The following OPCML variants were observed in gnomAD, a reference collection of about 807,000 sequenced individuals.
OPCML encodes opioid binding protein/cell adhesion molecule like.
Under a neutral mutation model 37.8 loss-of-function variants are expected in OPCML, and 13 were observed. That is an observed-to-expected ratio of 0.34 (90% confidence interval 0.22 to 0.55). The LOEUF (loss-of-function observed/expected upper bound fraction) is 0.55, where lower values mean the gene tolerates loss of function less well. OPCML is among the 20% of genes least tolerant of loss of function. The pLI is 0.91. For missense variants in OPCML, 341 were observed against 435.6 expected (o/e 0.78, Z 1.93); for synonymous variants, 176 against 168.8 (o/e 1.04, Z -0.33).
chr11:132,650,997 A>G (rs562646406), intron 3 of OPCML, among the ~76,000 whole-genome samples: 1 of 152,336 alleles, frequency 6.6e-6, no homozygotes, highest in African/African-American at 2.4e-5. Flanking sequence ...AGTTGAAAAT[A>G]GGGAAATCCC....
chr11:133,489,850 ATATTTT>A (rs967588538), intron 1 of OPCML, among the ~76,000 whole-genome samples: 3 of 143,834 alleles, frequency 2.1e-5, no homozygotes, highest in African/African-American at 5.4e-5. Flanking sequence ...ATATATATAT[ATATTTT>A]TTTATACATG....
intron 1 of OPCML, among the ~76,000 whole-genome samples, chr11:133,284,665 T>C (rs1462022490): frequency 6.6e-6 from 1 of 152,100 alleles, no homozygotes; most frequent in African/African-American, 2.4e-5. Context: ...AAAATAGAAG[T>C]GTGAATGAGC....
intron 1 of OPCML, among the ~76,000 whole-genome samples, chr11:133,517,652 C>T (rs1319499144): frequency 2.0e-5 from 3 of 152,188 alleles, no homozygotes; most frequent in African/African-American, 7.2e-5. Flanking sequence ...CTAATTGGAG[C>T]CAGGCTGACT....
chr11:133,324,276 C>G (rs1943401286), intron 1 of OPCML, among the ~76,000 whole-genome samples: 1 of 152,086 alleles, frequency 6.6e-6, no homozygotes, highest in Non-Finnish European at 1.5e-5. Flanking sequence ...CCTGCCTGCT[C>G]CATGGTCTGA....
chr11:132,759,801 G>A (rs546108969), intron 2 of OPCML, among the ~76,000 whole-genome samples: 2 of 152,078 alleles, frequency 1.3e-5, no homozygotes, highest in East Asian at 1.9e-4. Context: ...ATTTTCTTCA[G>A]TTCTACTCTG....
In OPCML at chr11:133,458,506, A is replaced by ATATACACATATATACACGTGTGTGTGTG. The variant is rs1565645362; in HGVS notation, c.61+73757_61+73758insCACACACACACGTGTATATATGTGTATA. Among the ~76,000 whole-genome samples the ATATACACATATATACACGTGTGTGTGTG allele has an allele frequency of 1.2e-3, 109 of 91,466 alleles. 15 individuals are homozygous for ATATACACATATATACACGTGTGTGTGTG. Among genetic ancestry groups the ATATACACATATATACACGTGTGTGTGTG allele is most frequent in the Non-Finnish European group, 1.7e-3 (91 of 52,022 alleles). 60.0% of individuals were successfully genotyped at this position (91,466 alleles called of 152,430 possible). A position where few individuals can be genotyped will look rare whatever the true frequency, so the allele number is the denominator to read the frequency against. ...TACACATATATACACGTGTGTGTGT[A>ATATACACATATATACACGTGTGTGTGTG]TATACACATATATACACTGTGTGTG... On this transcript the variant is annotated intron_variant, in intron 1 of 7. Coordinates refer to ENST00000524381, the MANE Select transcript of OPCML (RefSeq NM_001012393.5).
chr11:132,538,302 C>A (rs977451347), intron 3 of OPCML, among the ~76,000 whole-genome samples: 2 of 152,092 alleles, frequency 1.3e-5, no homozygotes, highest in African/African-American at 4.8e-5. Context: ...AGAAGCGAAA[C>A]ACAAAAGACC....
At chr11:133,099,197 G>C (rs962217744) in intron 1 of OPCML, among the ~76,000 whole-genome samples, 1 of 150,846 alleles carries the variant, frequency 6.6e-6, no homozygotes, top group Non-Finnish European at 1.5e-5. Context: ...TAAATGAAGA[G>C]ATATTTCATG....
chr11:133,061,902 TG>T (rs1313578533), intron 1 of OPCML, among the ~76,000 whole-genome samples: 1 of 70,368 alleles, frequency 1.4e-5, no homozygotes. Context: ...GAAATTGAGG[TG>T]GGGGTGGGGG....
chr11:133,262,040 C>T (rs537298371), intron 1 of OPCML, among the ~76,000 whole-genome samples: 1 of 152,242 alleles, frequency 6.6e-6, no homozygotes, highest in East Asian at 1.9e-4. Context: ...TACTCTTGGC[C>T]TGAATTTTCT....
chr11:133,364,149 A>C (rs1285587054), intron 1 of OPCML, among the ~76,000 whole-genome samples: 1 of 152,194 alleles, frequency 6.6e-6, no homozygotes, highest in African/African-American at 2.4e-5. Flanking sequence ...CTCTGTTTGT[A>C]AACAGCAGTC....
chr11:132,668,648 A>G (rs1942327016), intron 2 of OPCML, among the ~76,000 whole-genome samples: 1 of 152,190 alleles, frequency 6.6e-6, no homozygotes, highest in African/African-American at 2.4e-5. Context: ...TAACCAAGTG[A>G]TACTGAATCC....
chr11:133,024,331 G>A, intron 1 of OPCML: 1 of 984,876 alleles, frequency 1.0e-6, no homozygotes, highest in African/African-American at 1.7e-5. Flanking sequence ...TGGGAAGGAA[G>A]TGCGTTCTTT....
At chr11:132,950,155 T>C (rs1591840115) in intron 1 of OPCML, among the ~76,000 whole-genome samples, 2 of 152,286 alleles carry the variant, frequency 1.3e-5, no homozygotes, top group African/African-American at 2.4e-5. Context: ...GTTGGAGACA[T>C]TGCAGTGGAA....
chr11:132,433,475 G>A (rs748895762), intron 7 of OPCML, among the ~76,000 whole-genome samples: 9 of 152,162 alleles, frequency 5.9e-5, no homozygotes, highest in Non-Finnish European at 1.2e-4. Flanking sequence ...TGAAGCAGGC[G>A]TTAATGTCCC....
intron 3 of OPCML, among the ~76,000 whole-genome samples, chr11:132,564,963 A>G (rs1341842085): frequency 6.6e-6 from 1 of 152,194 alleles, no homozygotes; most frequent in Non-Finnish European, 1.5e-5. Context: ...CCCATCTGTA[A>G]AAAGGGAACA....
intron 1 of OPCML, among the ~76,000 whole-genome samples, chr11:133,112,588 A>G (rs1463360922): frequency 6.6e-6 from 1 of 152,212 alleles, no homozygotes; most frequent in African/African-American, 2.4e-5. Flanking sequence ...TTGTATAAAT[A>G]AAAGGTGTCA....
At chr11:132,801,773 G>A (rs932192496) in intron 2 of OPCML, among the ~76,000 whole-genome samples, 1 of 152,084 alleles carries the variant, frequency 6.6e-6, no homozygotes, top group African/African-American at 2.4e-5. Context: ...CGAGCTCTAG[G>A]CTCATGAATT....
intron 2 of OPCML, among the ~76,000 whole-genome samples, chr11:132,926,434 T>C (rs73586417): frequency 0.051 from 7,733 of 152,172 alleles, 637 homozygotes; most frequent in African/African-American, 0.17. Context: ...GAAGAAACTG[T>C]AGTGAGACTC....
Sources: allele counts gnomAD v4.1 joint callset (sites outside exome capture counted in the v4.1 genomes callset), GRCh38; gene constraint gnomAD v4.1.1; transcripts MANE v1.5; gene names NCBI Gene and HGNC (gene_info 2026-07-23, HGNC 2026-07-21).